SH2D5: variants seen among roughly 807,000 people sequenced by gnomAD.
The protein encoded by SH2D5 is SH2 domain-containing protein 5.
In SH2D5, 45 loss-of-function variants were observed where a neutral mutation model predicts 48.2. The observed-to-expected ratio is 0.93, with a 90% confidence interval of 0.73 to 1.20. The LOEUF is 1.20. Ranked by LOEUF, SH2D5 falls within the 50% of genes most tolerant of loss-of-function variation. SH2D5 has a pLI of 0.00. For synonymous variants in SH2D5, 230 were observed against 249.8 expected (o/e 0.92, Z 0.75); for missense variants, 538 against 584.1 (o/e 0.92, Z 0.81).
Position 20,724,212 on chromosome 1 carries a change from G to C in SH2D5, c.670C>G (p.Arg224Gly). 6.2e-7 allele frequency: 1 copy of C among 1,612,840 alleles called. No homozygotes were observed. The highest frequency in any genetic ancestry group is 2.2e-5 in the East Asian group (1 of 44,868). ...GGCGAGCAGTAGGGATTCCCCAGGC[G>C]GGCATGGCGGGCACGGCCTTCCGAC... is the stretch of plus-strand genomic sequence containing the variant. ...PESEGRARHA[R>G]LGNPYCSPTL... Residue 224 changes from arginine to glycine, a missense_variant, in exon 7 of 10, where the codon CGC becomes GGC. Physicochemically the swap from Arg to Gly is moderately radical, Grantham distance 125 (BLOSUM62 -2). Coordinates refer to ENST00000444387, the MANE Select transcript of SH2D5 (RefSeq NM_001103161.2).
intron 7 of SH2D5, among the ~76,000 whole-genome samples, 170 bp downstream of exon 7, chr1:20,723,913 C>T (rs2154538464): frequency 6.6e-6 from 1 of 152,338 alleles, no homozygotes; most frequent in Middle Eastern, 3.4e-3. Context: ...GTACACAGTC[C>T]CCTTTGCACA....
In SH2D5 at chr1:20,721,967, T is replaced by A; in HGVS notation, c.1097A>T (p.Glu366Val). The A allele has an allele frequency of 1.2e-6, 2 of 1,612,978 alleles. No homozygotes were observed. The highest frequency in any genetic ancestry group is 1.7e-5 in the Admixed American group (1 of 60,012). The change falls in exon 10 of 10, where the codon GAG (glutamate) becomes GTG (valine). Residue 366 changes from glutamate (E) to valine (V), a missense_variant. Transcript: ENST00000444387. ...AACCGCGTGGTTCTCCACCAGAGCC[T>A]CCAGGCTGGGGAACTCTGCCGGCAG... ...EHLPAEFPSL[E>V]ALVENHAVTE...
Position 20,724,074 on chromosome 1 carries a change from A to C in SH2D5, c.799+9T>G, listed in dbSNP as rs542407029. 3.1e-6 allele frequency: 5 copies of C among 1,608,388 alleles called. No individual in the cohort carries two copies. The African/African-American group carries it at 6.7e-5, about 21-fold the overall frequency. ...GTACACACAGGGCAGGCATGTTCCC[A>C]CAACTCACAGGCCTCCCGAGCCGAC... On this transcript the variant is annotated intron_variant, in intron 7 of 9. Coordinates refer to ENST00000444387, the MANE Select transcript of SH2D5 (RefSeq NM_001103161.2).
In SH2D5 at chr1:20,728,824, T is replaced by C. The variant is rs1178582101; in HGVS notation, c.-42-738A>G. On this transcript the variant is annotated intron_variant, in intron 1 of 9. Coordinates refer to ENST00000444387, the MANE Select transcript of SH2D5 (RefSeq NM_001103161.2). The surrounding 1 kb of genome is among the most constrained non-coding windows in gnomAD (Gnocchi z 4.3). Reference sequence around the variant, plus strand: ...GAGCTCTGTAGTTCATGAAGGTGGCTGCAAGCTGGATGGCCAGAGCTGATG... The same window carrying C: ...GAGCTCTGTAGTTCATGAAGGTGGCCGCAAGCTGGATGGCCAGAGCTGATG... 6.6e-6 allele frequency among the ~76,000 whole-genome samples: 1 copy of C among 152,126 alleles called. No individual in the cohort carries two copies. The highest frequency in any genetic ancestry group is 6.5e-5 in the Admixed American group (1 of 15,280).
Position 20,722,892 on chromosome 1 carries a change from C to T in SH2D5, c.932G>A (p.Arg311Gln), listed in dbSNP as rs747195208. Residue 311 changes from arginine to glutamine, a missense_variant, in exon 9 of 10, where the codon CGG becomes CAG. Arg to Gln is a conservative substitution (Grantham distance 43). Coordinates refer to ENST00000444387, the MANE Select transcript of SH2D5 (RefSeq NM_001103161.2). ...ISRPCALALL[R>Q]RDVLGAFLLW... ...CAGGAAGGCCCCCAGCACGTCTCTC[C>T]GCAACAGGGCCAGGGCACAGGGCCT... The T allele has an allele frequency of 1.7e-5, 28 of 1,600,000 alleles. No homozygotes were observed. The highest frequency in any genetic ancestry group is 1.6e-4 in the East Asian group (7 of 44,354).
At chr1:20,723,459 C>T (rs2054728358) in intron 8 of SH2D5, among the ~76,000 whole-genome samples, 167 bp downstream of exon 8, 1 of 152,222 alleles carries the variant, frequency 6.6e-6, no homozygotes, top group South Asian at 2.1e-4. Context: ...CCCATTTTAC[C>T]TTAGAGAAAA....
Position 20,729,248 on chromosome 1 carries a change from G to A in SH2D5, c.-42-1162C>T, listed in dbSNP as rs1328395520. ...AGAATGGCTAAATGCCTCTGGCGAGGTCCCCCAGGACTCAGCTCCCTCGGT... is the reference window on the plus strand; with the variant it reads ...AGAATGGCTAAATGCCTCTGGCGAGATCCCCCAGGACTCAGCTCCCTCGGT... On this transcript the variant is annotated intron_variant, in intron 1 of 9. Coordinates refer to ENST00000444387, the MANE Select transcript of SH2D5 (RefSeq NM_001103161.2). The surrounding 1 kb of genome is among the most constrained non-coding windows in gnomAD (Gnocchi z 4.2). Among the ~76,000 whole-genome samples, 2 of 152,272 alleles carry A rather than the reference G, an allele frequency of 1.3e-5. No individual in the cohort carries two copies. Among genetic ancestry groups the A allele is most frequent in the Non-Finnish European group, 2.9e-5 (2 of 68,018 alleles).
chr1:20,731,979 T>C (rs1321344648), intron 1 of SH2D5, among the ~76,000 whole-genome samples: 2 of 148,482 alleles, frequency 1.3e-5, no homozygotes, highest in Non-Finnish European at 3.0e-5. Context: ...CCCCCGCCCC[T>C]GCCCGGCTCC....
At chr1:20,725,068 C>A (rs978822279) in intron 5 of SH2D5, among the ~76,000 whole-genome samples, 6 of 152,264 alleles carry the variant, frequency 3.9e-5, no homozygotes, top group Non-Finnish European at 5.9e-5. Flanking sequence ...CATGGCACCT[C>A]TCTGTGCCTC....
Position 20,721,881 on chromosome 1 carries a change from G to A in SH2D5, c.1183C>T (p.Gln395Ter), listed in dbSNP as rs768122081. ...GGCCTGCCTGGGGGCCCACAGTCCT[G>A]CTCCTCGTAGGTGGGGTTCAGGCGG... ...MGRLNPTYEE[Q>*]DCGPPGRPPR... Residue 395 changes from glutamine (Q) to a stop codon, truncating the protein, a stop_gained, in exon 10 of 10, where the codon CAG (glutamine) becomes TAG (stop). Transcript: ENST00000444387. LOFTEE classifies it high-confidence loss of function. 1 of 1,613,078 alleles carries A rather than the reference G, an allele frequency of 6.2e-7. No homozygotes were observed. The highest frequency in any genetic ancestry group is 8.5e-7 in the Non-Finnish European group (1 of 1,179,940).
In SH2D5 at chr1:20,727,046, C is replaced by T. The variant is rs371377086; in HGVS notation, c.198G>A (p.Leu66=). ...TCTTGAGACCCTGAAGGCTGAATTT[C>T]AGGATGACGGCCCGGCGTCGGGGAC... ...KDCPRRRAVI[L]KFSLQGLKIY... Residue 66 remains leucine, a synonymous_variant, in exon 4 of 10, where the codon CTG becomes CTA. Transcript: ENST00000444387. 3 of 1,611,958 alleles carry T rather than the reference C, an allele frequency of 1.9e-6. No homozygotes were observed. Among genetic ancestry groups the T allele is most frequent in the African/African-American group, 2.7e-5 (2 of 74,870 alleles).
In SH2D5 at chr1:20,722,799, G is replaced by A; in HGVS notation, c.1025C>T (p.Pro342Leu). ...LSVRTQCGVV[P>L]HQVFRNHLGR... ...CAGGTGGTTCCGGAAGACCTGGTGGGGCACCACGCCGCACTGCGTGCGCAC... is the reference window on the plus strand; with the variant it reads ...CAGGTGGTTCCGGAAGACCTGGTGGAGCACCACGCCGCACTGCGTGCGCAC... Residue 342 changes from proline to leucine, a missense_variant, in exon 9 of 10, where the codon CCC (proline) becomes CTC (leucine). Physicochemically the swap from Pro to Leu is moderately conservative, Grantham distance 98. Transcript: ENST00000444387. 6.3e-7 allele frequency: 1 copy of A among 1,585,178 alleles called. No homozygotes were observed. The highest frequency in any genetic ancestry group is 8.6e-7 in the Non-Finnish European group (1 of 1,164,710).
chr1:20,724,348 C>A, intron 6 of SH2D5, 48 bp downstream of exon 6: 11 of 1,604,950 alleles, frequency 6.9e-6, no homozygotes, highest in Non-Finnish European at 9.4e-6. Flanking sequence ...CAAACCCATA[C>A]CCAGTTCCCT....
At position 20,728,399 on chromosome 1, in the gene SH2D5, C is replaced by A. The variant is rs733582; in HGVS notation, c.-42-313G>T. Reference sequence around the variant, plus strand: ...TAAGGGCTGACTGTTGCTGGGAAGCCCTCACTGAGGAGGGGAGGTCTGGGT... The same window carrying A: ...TAAGGGCTGACTGTTGCTGGGAAGCACTCACTGAGGAGGGGAGGTCTGGGT... On this transcript the variant is annotated intron_variant, in intron 1 of 9. Transcript: ENST00000444387. This position sits in a 1 kb window ranked among gnomAD's most constrained non-coding sequence, Gnocchi z 4.3. 3.3e-5 allele frequency among the ~76,000 whole-genome samples: 5 copies of A among 152,036 alleles called. No homozygotes were observed. The highest frequency in any genetic ancestry group is 7.4e-5 in the Non-Finnish European group (5 of 68,002).
At position 20,725,969 on chromosome 1, in the gene SH2D5, G is replaced by A. The variant is rs994695707; in HGVS notation, c.341C>T (p.Pro114Leu). ...GAGGTGGCAGAAGAGCTTGCTGGCTGGGCTCCGTGGGTTTCGAGCCATGAA... is the reference window on the plus strand; with the variant it reads ...GAGGTGGCAGAAGAGCTTGCTGGCTAGGCTCCGTGGGTTTCGAGCCATGAA... ...FAFMARNPRS[P>L]ASKLFCHLFV... The change falls in exon 5 of 10, where the codon CCA (proline) becomes CTA (leucine). Residue 114 changes from proline to leucine, a missense_variant. Physicochemically the swap from Pro to Leu is moderately conservative, Grantham distance 98 (BLOSUM62 -3). Coordinates refer to ENST00000444387, the MANE Select transcript of SH2D5 (RefSeq NM_001103161.2). The A allele has an allele frequency of 6.2e-7, 1 of 1,613,308 alleles. No homozygotes were observed. The highest frequency in any genetic ancestry group is 8.5e-7 in the Non-Finnish European group (1 of 1,179,986).
rs536131095 is a variant in SH2D5 at position 20,725,309 on chromosome 1, G to C, written c.390+611C>G. Among the ~76,000 whole-genome samples, 45 of 152,342 alleles carry C rather than the reference G, an allele frequency of 3.0e-4. 1 individual carries two copies. Among genetic ancestry groups the C allele is most frequent in the African/African-American group, 1.1e-3 (44 of 41,584 alleles). The stretch of plus-strand genomic sequence containing the variant: ...CTGGATATACAGGATGACAGCAAAT[G>C]GTTGCTGGTCAGAACCAAACCCAGC... On this transcript the variant is annotated intron_variant, in intron 5 of 9. Coordinates refer to ENST00000444387, the MANE Select transcript of SH2D5 (RefSeq NM_001103161.2).
At chr1:20,726,168 C>T (rs79861988) in intron 4 of SH2D5, 102 bp from the exon 5 acceptor site, 50,370 of 1,378,828 alleles carry the variant, frequency 0.037, 1,100 homozygotes, top group Non-Finnish European at 0.043. Context: ...CTTCCAGGCC[C>T]GCCCAGTCTC....
intron 4 of SH2D5, among the ~76,000 whole-genome samples, chr1:20,726,335 G>C (rs912289186): frequency 1.3e-5 from 2 of 152,236 alleles, no homozygotes; most frequent in Non-Finnish European, 2.9e-5. Context: ...TCCTGGCTCT[G>C]CCACTCATTT....
chr1:20,722,092 G>T (rs2054698591), intron 9 of SH2D5, 97 bp from the exon 10 acceptor site: 4 of 1,175,262 alleles, frequency 3.4e-6, no homozygotes, highest in Non-Finnish European at 4.8e-6. Context: ...ATTTTGGAGA[G>T]CAGGGAACGG....
Sources: gnomAD v4.1 joint callset for allele counts (sites outside exome capture counted in the v4.1 genomes callset) on GRCh38, gnomAD v4.1.1 for gene constraint, Gnocchi (gnomAD v3.1) non-coding constraint, MANE v1.5 for transcripts, NCBI Gene and HGNC (gene_info 2026-07-23, HGNC 2026-07-21) for gene names.